The following DGKD variants were observed in gnomAD, a reference collection of about 807,000 sequenced individuals.
DGKD encodes the protein DAG kinase delta.
A neutral mutation model predicts 154.4 loss-of-function variants in DGKD; 68 were observed. That is an observed-to-expected ratio of 0.44 (90% CI 0.36 to 0.54). The LOEUF is 0.54. DGKD is among the 20% of genes least tolerant of loss of function. The pLI is 0.00. For synonymous variants in DGKD, 693 were observed against 638.0 expected, an observed-to-expected ratio of 1.09 and a Z score of -1.30; for missense variants, 1,343 against 1,593.6, an observed-to-expected ratio of 0.84 and a Z score of 2.68.
At chr2:233,419,718 G>C (rs1036305264) in intron 3 of DGKD, among the ~76,000 whole-genome samples, 6 of 152,116 alleles carry the variant, frequency 3.9e-5, no homozygotes, top group Non-Finnish European at 8.8e-5. Context: ...GCTTTGTCAC[G>C]GGAAAATTTC....
intron 26 of DGKD, 49 bp from the exon 27 acceptor site, chr2:233,464,115 C>T (rs55692234): frequency 0.012 from 19,212 of 1,611,724 alleles, 594 homozygotes; most frequent in African/African-American, 0.11. Context: ...TCGCGCTGAT[C>T]AGCAGTGCAC....
chr2:233,450,675 G>A (rs1280942205), intron 16 of DGKD, among the ~76,000 whole-genome samples: 1 of 152,048 alleles, frequency 6.6e-6, no homozygotes, highest in Non-Finnish European at 1.5e-5. Flanking sequence ...GGACTGACTG[G>A]GCTCACCCCT....
rs767258853 is a variant in DGKD at position 233,445,787 on chromosome 2, C to A, written c.1334+25C>A. 1 of 1,581,328 alleles carries A rather than the reference C, an allele frequency of 6.3e-7. No homozygotes were observed. The highest frequency in any genetic ancestry group is 8.6e-7 in the Non-Finnish European group (1 of 1,161,042). On this transcript the variant is annotated intron_variant, in intron 11 of 29. Coordinates refer to ENST00000264057, the MANE Select transcript of DGKD (RefSeq NM_152879.3). The surrounding 1 kb of genome is among the most constrained non-coding windows in gnomAD (Gnocchi z 5.5). ...GGTGAGTGGGGATGTGCTCCGGTGCCGTATGAGGAGACTTTGAGAGACAGG... is the reference window on the plus strand; with the variant it reads ...GGTGAGTGGGGATGTGCTCCGGTGCAGTATGAGGAGACTTTGAGAGACAGG...
chr2:233,385,196 A>G (rs1315008028), intron 1 of DGKD, among the ~76,000 whole-genome samples: 1 of 152,132 alleles, frequency 6.6e-6, no homozygotes, highest in Non-Finnish European at 1.5e-5. Context: ...ACTGTTAAGC[A>G]AGGACCACTG....
intron 12 of DGKD, chr2:233,447,655 T>A (rs1014451412): frequency 9.9e-7 from 1 of 1,010,212 alleles, no homozygotes; most frequent in African/African-American, 1.7e-5. Flanking sequence ...GGGCTGCCCT[T>A]CTGACAGCCA....
Position 233,469,515 on chromosome 2 carries a change from C to A in DGKD, c.*55C>A. 6.8e-7 allele frequency: 1 copy of A among 1,478,586 alleles called. No homozygotes were observed. Among genetic ancestry groups the A allele is most frequent in the Non-Finnish European group, 9.2e-7 (1 of 1,083,410 alleles). 91.6% of individuals were successfully genotyped at this position (1,478,586 alleles called of 1,614,324 possible). A position where few individuals can be genotyped will look rare whatever the true frequency, so the allele number is the denominator to read the frequency against. ...ATCCCCGCCGCCGAGGCCTAGCCTC[C>A]GCCCTCTCAGCCTGTGGCCTCTGCG... On this transcript the variant is annotated 3_prime_UTR_variant, in exon 30 of 30. Transcript: ENST00000264057.
intron 3 of DGKD, among the ~76,000 whole-genome samples, chr2:233,431,824 A>C (rs1414756045): frequency 6.6e-6 from 1 of 152,272 alleles, no homozygotes; most frequent in Non-Finnish European, 1.5e-5. Context: ...ATATCAAATC[A>C]AAATGGATTA....
At chr2:233,380,628 C>T (rs1702844018) in intron 1 of DGKD, among the ~76,000 whole-genome samples, 1 of 152,158 alleles carries the variant, frequency 6.6e-6, no homozygotes, top group East Asian at 1.9e-4. Flanking sequence ...ACCACCACCC[C>T]CAGTTCAGAA....
chr2:233,447,524 A>T, intron 12 of DGKD: 8 of 985,366 alleles, frequency 8.1e-6, no homozygotes, highest in Non-Finnish European at 9.6e-6. Flanking sequence ...TTTTAAAAAA[A>T]AATTTTTTTT....
At chr2:233,450,864 C>A in intron 16 of DGKD, 58 bp from the exon 17 acceptor site, 1 of 1,558,244 alleles carries the variant, frequency 6.4e-7, no homozygotes, top group Non-Finnish European at 8.8e-7. Flanking sequence ...AAGGACCCCC[C>A]AGGATTTCAC....
intron 1 of DGKD, chr2:233,379,721 C>T (rs1702785518): frequency 1.3e-5 from 2 of 152,230 alleles, no homozygotes; most frequent in South Asian, 4.1e-4. Flanking sequence ...CACCTGGGCT[C>T]TTGGCAAAAA....
At chr2:233,406,941 T>C (rs576709241) in intron 3 of DGKD, among the ~76,000 whole-genome samples, 23 of 152,356 alleles carry the variant, frequency 1.5e-4, no homozygotes, top group Non-Finnish European at 3.4e-4. Flanking sequence ...TGACTTCCTT[T>C]TCCCCAAGTA....
intron 3 of DGKD, chr2:233,429,083 G>A (rs998388215): frequency 2.3e-5 from 23 of 981,930 alleles, no homozygotes; most frequent in Admixed American, 6.2e-5. Context: ...TACCCACAAA[G>A]CAATTCTAGT....
rs754414668 is a variant in DGKD at position 233,459,636 on chromosome 2, G to A, written c.2695-121G>A. The A allele has an allele frequency of 5.3e-6, 7 of 1,327,302 alleles. No individual in the cohort carries two copies. The highest frequency in any genetic ancestry group is 7.2e-6 in the Non-Finnish European group (7 of 975,182). The allele number at this position is 1,327,302 out of a possible 1,614,324, so 82.2% of individuals were successfully genotyped here. On this transcript the variant is annotated intron_variant, in intron 22 of 29. Coordinates refer to ENST00000264057, the MANE Select transcript of DGKD (RefSeq NM_152879.3). The surrounding 1 kb of genome is among the most constrained non-coding windows in gnomAD (Gnocchi z 5.7). The stretch of plus-strand genomic sequence containing the variant: ...GGAGCGCCATCCCAGAGGCAGAGGT[G>A]GGGTGTCCTGCAAGGCAGGGACGGG...
At chr2:233,370,478 A>G (rs1702254291) in intron 1 of DGKD, among the ~76,000 whole-genome samples, 1 of 151,936 alleles carries the variant, frequency 6.6e-6, no homozygotes. Flanking sequence ...TGGCCTCCCA[A>G]AGTCCTGGGA....
chr2:233,384,053 A>C (rs1171077427), intron 1 of DGKD, among the ~76,000 whole-genome samples: 1 of 146,042 alleles, frequency 6.8e-6, no homozygotes, highest in African/African-American at 2.8e-5. Flanking sequence ...GTCACATAAC[A>C]GTATGTACAG....
At chr2:233,415,180 A>G (rs555594247) in intron 3 of DGKD, among the ~76,000 whole-genome samples, 1 of 152,380 alleles carries the variant, frequency 6.6e-6, no homozygotes, top group South Asian at 2.1e-4. Flanking sequence ...GTCAGGAGAC[A>G]TGGCTGTTTT....
rs775777485 is a variant in DGKD, at chr2:233,467,038, G to A, written c.3307-48G>A. 27 of 1,455,158 alleles carry A rather than the reference G, an allele frequency of 1.9e-5. No homozygotes were observed. In the Middle Eastern group the frequency reaches 8.6e-4, roughly 46 times the overall value. 90.1% of individuals were successfully genotyped at this position (1,455,158 alleles called of 1,614,324 possible). A position where few individuals can be genotyped will look rare whatever the true frequency, so the allele number is the denominator to read the frequency against. ...CTCTGGTGGAGATGGGCATGAGGCC[G>A]TGATCAGTTGCAGCCTGATTCTCAG... On this transcript the variant is annotated intron_variant, in intron 27 of 29. Coordinates refer to ENST00000264057, the MANE Select transcript of DGKD (RefSeq NM_152879.3).
At chr2:233,434,931 G>A (rs879759729) in intron 5 of DGKD, 30 bp downstream of exon 5, 1 of 1,592,872 alleles carries the variant, frequency 6.3e-7, no homozygotes, top group African/African-American at 1.3e-5. Flanking sequence ...ATTCTGTCAG[G>A]AAAGGTGGCC....
Sources: allele counts gnomAD v4.1 joint callset (sites outside exome capture counted in the v4.1 genomes callset), GRCh38; gene constraint gnomAD v4.1.1; non-coding constraint Gnocchi (gnomAD v3.1); transcripts MANE v1.5; gene names NCBI Gene and HGNC (gene_info 2026-07-23, HGNC 2026-07-21).